Variants in TMEM182 observed in about 807,000 individuals in gnomAD.
TMEM182 encodes transmembrane protein 182.
In TMEM182, 20 loss-of-function variants were observed where a neutral mutation model predicts 26.8. The ratio of observed to expected loss-of-function variants is 0.75; its 90% confidence interval spans 0.53 to 1.09. The LOEUF is 1.09. Ranked by LOEUF, TMEM182 falls within the 50% of genes least tolerant of loss-of-function variation. TMEM182 has a pLI of 0.00. For missense variants in TMEM182, 277 were observed against 275.5 expected, an observed-to-expected ratio of 1.01 and a Z score of -0.04; for synonymous variants, 109 against 102.2, an observed-to-expected ratio of 1.07 and a Z score of -0.40.
chr2:102,817,144 A>G lies in TMEM182; in HGVS notation c.*2176A>G, dbSNP rs757576731. ...TGTGATTGCTATGTCAATGAGTGAA[A>G]TATACTTAAAAATGGCAGAGTTATA... On this transcript the variant is annotated 3_prime_UTR_variant, in exon 5 of 5. Transcript: ENST00000412401. 16 of 985,390 alleles carry G rather than the reference A, an allele frequency of 1.6e-5. No individual in the cohort carries two copies. The highest frequency in any genetic ancestry group is 1.9e-5 in the Non-Finnish European group (16 of 829,870). 61.0% of individuals were successfully genotyped at this position (985,390 alleles called of 1,614,324 possible).
downstream of TMEM182, among the ~76,000 whole-genome samples, chr2:102,822,283 A>T (rs2104767988): frequency 6.6e-6 from 1 of 152,282 alleles, no homozygotes; most frequent in Middle Eastern, 3.4e-3. Context: ...TGTGCACTGG[A>T]GAACCAAACA....
upstream of TMEM182, among the ~76,000 whole-genome samples, chr2:102,758,873 A>G (rs1270035188): frequency 6.6e-6 from 1 of 152,226 alleles, no homozygotes; most frequent in Non-Finnish European, 1.5e-5. Context: ...TTAATGGCTG[A>G]TTTAATGTAT....
intron 3 of TMEM182, among the ~76,000 whole-genome samples, chr2:102,786,208 C>CTGT (rs1681383483): frequency 1.0e-5 from 1 of 98,468 alleles, no homozygotes; most frequent in African/African-American, 4.0e-5. Flanking sequence ...ACTCAGCAAT[C>CTGT]TGTTTTTTTT....
At chr2:102,796,610 T>G (rs1476980594) in intron 3 of TMEM182, among the ~76,000 whole-genome samples, 1 of 152,236 alleles carries the variant, frequency 6.6e-6, no homozygotes, top group Non-Finnish European at 1.5e-5. Context: ...TTCACTGCCC[T>G]GTTCCCTGCT....
intron 3 of TMEM182, among the ~76,000 whole-genome samples, chr2:102,781,906 A>G (rs1336472144): frequency 2.0e-5 from 3 of 152,216 alleles, no homozygotes; most frequent in East Asian, 1.9e-4. Flanking sequence ...AATTTGATCC[A>G]GTGAAATTAT....
chr2:102,804,030 A>G (rs1439422103), intron 4 of TMEM182, among the ~76,000 whole-genome samples: 3 of 152,244 alleles, frequency 2.0e-5, no homozygotes, highest in Non-Finnish European at 4.4e-5. Flanking sequence ...TCTGGGCTAT[A>G]AATAGCTGCA....
intron 1 of TMEM182, among the ~76,000 whole-genome samples, chr2:102,748,152 T>G (rs1252649020): frequency 6.6e-6 from 1 of 152,230 alleles, no homozygotes; most frequent in African/African-American, 2.4e-5. Context: ...TGGGAGTAAC[T>G]TTCCGTGTAG....
intron 3 of TMEM182, among the ~76,000 whole-genome samples, chr2:102,827,980 G>C (rs190379423): frequency 6.6e-6 from 1 of 152,154 alleles, no homozygotes; most frequent in East Asian, 1.9e-4. Flanking sequence ...AATCCCAGCT[G>C]CTTGGGAGGC....
At chr2:102,803,111 CTT>C in intron 4 of TMEM182, among the ~76,000 whole-genome samples, 1 of 152,290 alleles carries the variant, frequency 6.6e-6, no homozygotes, top group South Asian at 2.1e-4. Context: ...CAAAGGGTAT[CTT>C]TGCAGTGTAG....
At chr2:102,741,044 A>G (rs1456565322) in intron 1 of TMEM182, among the ~76,000 whole-genome samples, 1 of 152,226 alleles carries the variant, frequency 6.6e-6, no homozygotes, top group Admixed American at 6.5e-5. Context: ...GAGCTTGGGA[A>G]GTTGCCACTT....
chr2:102,741,576 A>G (rs1265614136), intron 1 of TMEM182, among the ~76,000 whole-genome samples: 1 of 152,194 alleles, frequency 6.6e-6, no homozygotes, highest in Non-Finnish European at 1.5e-5. Flanking sequence ...AGTCTCCTCT[A>G]TCTTTGTTTC....
intron 3 of TMEM182, among the ~76,000 whole-genome samples, chr2:102,777,341 A>C (rs1354956080): frequency 2.0e-5 from 3 of 152,040 alleles, no homozygotes; most frequent in Non-Finnish European, 2.9e-5. Context: ...ATCTGTGTCT[A>C]GGTTCATTAT....
rs896758729 is a variant in TMEM182, at chr2:102,772,158, G to A, written c.331+7731G>A. ...CCCGAAGGAGAAAGGAGCTGTCTGG[G>A]CCTCTCTTATCTTGAAGCATTATGG... On this transcript the variant is annotated intron_variant, in intron 3 of 4. Transcript: ENST00000412401. 4.6e-5 allele frequency among the ~76,000 whole-genome samples: 7 copies of A among 152,152 alleles called. No homozygotes were observed. The East Asian group carries it at 1.2e-3, about 25-fold the overall frequency.
intron 3 of TMEM182, among the ~76,000 whole-genome samples, chr2:102,784,545 G>A (rs570849520): frequency 1.3e-5 from 2 of 152,216 alleles, no homozygotes; most frequent in South Asian, 2.1e-4. Context: ...CCAAGAGGGG[G>A]GTTTTTGGGT....
At chr2:102,769,407 G>T (rs1343805789) in intron 3 of TMEM182, among the ~76,000 whole-genome samples, 1 of 152,108 alleles carries the variant, frequency 6.6e-6, no homozygotes, top group Non-Finnish European at 1.5e-5. Context: ...TTTCAAATAG[G>T]TGTAATTCAG....
At chr2:102,832,063 C>T (rs552471279) in intron 3 of TMEM182, among the ~76,000 whole-genome samples, 2 of 152,160 alleles carry the variant, frequency 1.3e-5, no homozygotes, top group African/African-American at 4.8e-5. Context: ...TATCCCCATA[C>T]CTGGCATGAC....
intron 3 of TMEM182, among the ~76,000 whole-genome samples, chr2:102,796,180 C>T (rs1481685226): frequency 7.2e-5 from 11 of 152,196 alleles, no homozygotes; most frequent in Admixed American, 5.2e-4. Context: ...TTACACAGTT[C>T]CCCATTCGCT....
intron 3 of TMEM182, among the ~76,000 whole-genome samples, chr2:102,765,626 A>G (rs1181149955): frequency 1.3e-5 from 2 of 152,220 alleles, no homozygotes; most frequent in African/African-American, 4.8e-5. Context: ...CCTGTTAAAT[A>G]TGTAATTCCA....
chr2:102,756,234 T>C (rs1680028379), intron 1 of TMEM182, among the ~76,000 whole-genome samples: 1 of 152,236 alleles, frequency 6.6e-6, no homozygotes, highest in South Asian at 2.1e-4. Flanking sequence ...TATTTTATTG[T>C]GTTTTTTGCT....
Sources: allele counts gnomAD v4.1 joint callset (sites outside exome capture counted in the v4.1 genomes callset), GRCh38; gene constraint gnomAD v4.1.1; transcripts MANE v1.5; gene names NCBI Gene and HGNC (gene_info 2026-07-23, HGNC 2026-07-21).